The following PDE4D variants were observed in gnomAD, a reference collection of about 807,000 sequenced individuals.
PDE4D encodes 3',5'-cyclic-AMP phosphodiesterase 4D.
Under a neutral mutation model 87.4 loss-of-function variants are expected in PDE4D, and 24 were observed. The ratio of observed to expected loss-of-function variants is 0.27; its 90% confidence interval spans 0.20 to 0.39. The LOEUF (loss-of-function observed/expected upper bound fraction) is 0.39, where lower values mean the gene tolerates loss of function less well. Ranked by LOEUF, PDE4D falls within the 10% of genes least tolerant of loss-of-function variation. The pLI is 1.00. For synonymous variants in PDE4D, 384 were observed against 383.2 expected (o/e 1.00, Z -0.02); for missense variants, 714 against 1,041.0 (o/e 0.69, Z 4.32).
intron 1 of PDE4D, among the ~76,000 whole-genome samples, chr5:59,754,272 G>GTGAGC (rs1486268513): frequency 2.0e-5 from 3 of 152,194 alleles, no homozygotes; most frequent in Admixed American, 6.5e-5. Flanking sequence ...AGAGGTTGCA[G>GTGAGC]TGAGCTGAGA....
chr5:59,000,466 C>G (rs1269838009), intron 6 of PDE4D, among the ~76,000 whole-genome samples: 3 of 152,162 alleles, frequency 2.0e-5, no homozygotes, highest in Non-Finnish European at 4.4e-5. Flanking sequence ...ACAGATGGCA[C>G]AGATGGCAAT....
At chr5:59,993,356 T>C (rs950295864) in intron 2 of PDE4D, among the ~76,000 whole-genome samples, 9 of 152,302 alleles carry the variant, frequency 5.9e-5, no homozygotes, top group Middle Eastern at 6.8e-3. Context: ...AGCTCATTTA[T>C]AATAGCAAAT....
chr5:59,819,128 A>T (rs1369863151), intron 1 of PDE4D, among the ~76,000 whole-genome samples: 5 of 152,226 alleles, frequency 3.3e-5, no homozygotes, highest in African/African-American at 7.2e-5. Context: ...TAAAATGAGT[A>T]AATAATATTG....
chr5:60,156,810 AT>A (rs535202681), intron 2 of PDE4D, among the ~76,000 whole-genome samples: 2 of 151,954 alleles, frequency 1.3e-5, no homozygotes, highest in African/African-American at 2.4e-5. Flanking sequence ...TTTCATTAGC[AT>A]TTTTTTCATA....
chr5:60,063,236 G>C (rs1353677605), intron 2 of PDE4D, among the ~76,000 whole-genome samples: 2 of 151,978 alleles, frequency 1.3e-5, no homozygotes, highest in Non-Finnish European at 2.9e-5. Context: ...CTCAATACAG[G>C]AATATATTTA....
chr5:60,120,425 G>A (rs539793546), intron 2 of PDE4D, among the ~76,000 whole-genome samples: 2 of 152,198 alleles, frequency 1.3e-5, no homozygotes, highest in Admixed American at 6.5e-5. Context: ...CCAAGGTATT[G>A]ACAATGCAAG....
At chr5:59,707,037 G>T (rs139337181) in intron 1 of PDE4D, among the ~76,000 whole-genome samples, 113 of 152,244 alleles carry the variant, frequency 7.4e-4, no homozygotes, top group African/African-American at 2.6e-3. Flanking sequence ...GAAACTTAAT[G>T]CATGAAGTAA....
At chr5:60,310,735 A>G (rs968194923) in intron 1 of PDE4D, among the ~76,000 whole-genome samples, 2 of 152,174 alleles carry the variant, frequency 1.3e-5, no homozygotes, top group Non-Finnish European at 1.5e-5. Flanking sequence ...CTTCTGACAC[A>G]CTTCTTCCTG....
At chr5:59,007,154 G>A (rs1283728378) in intron 6 of PDE4D, among the ~76,000 whole-genome samples, 1 of 152,094 alleles carries the variant, frequency 6.6e-6, no homozygotes, top group African/African-American at 2.4e-5. Context: ...TTAGCTCTTG[G>A]ACCTCTCCAA....
At chr5:60,087,547 TA>T (rs1774666167) in intron 2 of PDE4D, among the ~76,000 whole-genome samples, 2 of 151,772 alleles carry the variant, frequency 1.3e-5, no homozygotes, top group Non-Finnish European at 2.9e-5. Context: ...TTCACAAAAA[TA>T]AAAACAATTT....
At chr5:60,287,908 C>T (rs1375577858) in intron 1 of PDE4D, among the ~76,000 whole-genome samples, 1 of 152,202 alleles carries the variant, frequency 6.6e-6, no homozygotes, top group African/African-American at 2.4e-5. Context: ...CTGATGCTAA[C>T]ATGCCATTTA....
chr5:59,539,397 T>G (rs1815891271), intron 1 of PDE4D, among the ~76,000 whole-genome samples: 1 of 152,174 alleles, frequency 6.6e-6, no homozygotes, highest in Non-Finnish European at 1.5e-5. Flanking sequence ...CAAAAAATTC[T>G]AATCACTAGC....
chr5:59,532,756 ATCT>A, intron 1 of PDE4D, among the ~76,000 whole-genome samples: 1 of 152,280 alleles, frequency 6.6e-6, no homozygotes, highest in Non-Finnish European at 1.5e-5. Context: ...ATATGGGAAA[ATCT>A]TAAAGCATGG....
chr5:59,331,272 C>T (rs1282177271), intron 1 of PDE4D, among the ~76,000 whole-genome samples: 4 of 152,084 alleles, frequency 2.6e-5, no homozygotes, highest in Non-Finnish European at 5.9e-5. Flanking sequence ...AAAACAGTTC[C>T]GGAGGCCAGA....
chr5:59,792,598 C>T lies in PDE4D; in HGVS notation c.455+100570G>A, dbSNP rs115766539. ...AGGTTTGTGCCGTGAAGGAGAAGAA[C>T]GCAAGGTGGTAAAAGCATGCTGAGA... On this transcript the variant is annotated intron_variant, in intron 1 of 14. Transcript: ENST00000340635. 5.6e-3 allele frequency among the ~76,000 whole-genome samples: 853 copies of T among 152,198 alleles called. 7 individuals carry two copies. Among genetic ancestry groups the T allele is most frequent in the African/African-American group, 0.019 (771 of 41,520 alleles).
chr5:60,255,720 C>T (rs187842507), intron 1 of PDE4D, among the ~76,000 whole-genome samples: 2 of 151,902 alleles, frequency 1.3e-5, no homozygotes, highest in East Asian at 3.9e-4. Context: ...GGTGCAGTGG[C>T]TCACACCTTT....
intron 2 of PDE4D, among the ~76,000 whole-genome samples, chr5:60,133,381 T>G (rs986232275): frequency 2.6e-5 from 4 of 152,000 alleles, no homozygotes; most frequent in African/African-American, 9.7e-5. Flanking sequence ...CAGACTGGAG[T>G]GCAGTGGTGT....
At chr5:60,163,186 T>C (rs115272196) in intron 2 of PDE4D, among the ~76,000 whole-genome samples, 61 of 152,272 alleles carry the variant, frequency 4.0e-4, no homozygotes, top group African/African-American at 1.4e-3. Context: ...ATAAACTGCG[T>C]TGGTCAGTCA....
At chr5:60,299,206 T>G (rs1424561683) in intron 1 of PDE4D, among the ~76,000 whole-genome samples, 1 of 152,192 alleles carries the variant, frequency 6.6e-6, no homozygotes, top group Non-Finnish European at 1.5e-5. Context: ...AACTTGTCAC[T>G]AAAACCATTG....
Sources: gnomAD v4.1 joint callset for allele counts (sites outside exome capture counted in the v4.1 genomes callset) on GRCh38, gnomAD v4.1.1 for gene constraint, MANE v1.5 for transcripts, NCBI Gene and HGNC (gene_info 2026-07-23, HGNC 2026-07-21) for gene names.